ITGA9: variants seen among roughly 807,000 people sequenced by gnomAD.
ITGA9 encodes the protein integrin alpha-9.
ITGA9 carries 56 observed loss-of-function variants against 127.8 expected under a neutral mutation model. The ratio of observed to expected loss-of-function variants is 0.44; its 90% CI spans 0.35 to 0.55. ITGA9 has a LOEUF of 0.55. Among genes scored for constraint, ITGA9 ranks in the 20% least tolerant of loss-of-function variants. The pLI, the probability that ITGA9 is intolerant of heterozygous loss-of-function variation, is 0.00. For missense variants in ITGA9, 1,196 were observed against 1,347.1 expected (o/e 0.89, Z 1.76); for synonymous variants, 508 against 514.5 (o/e 0.99, Z 0.17).
chr3:37,586,021 T>C (rs1267772191), intron 15 of ITGA9, among the ~76,000 whole-genome samples: 1 of 152,138 alleles, frequency 6.6e-6, no homozygotes, highest in Admixed American at 6.5e-5. Flanking sequence ...CGTGCCATGA[T>C]GAGAGTGATG....
chr3:37,566,553 G>A (rs1010766517), intron 15 of ITGA9, among the ~76,000 whole-genome samples: 12 of 152,198 alleles, frequency 7.9e-5, no homozygotes, highest in Non-Finnish European at 1.8e-4. Flanking sequence ...CTCAAGATTA[G>A]GAATCTATTT....
intron 12 of ITGA9, 126 bp downstream of exon 12, chr3:37,523,737 G>C (rs1310578582): frequency 5.2e-6 from 4 of 763,726 alleles, no homozygotes; most frequent in African/African-American, 5.2e-5. Context: ...CAATAGAATA[G>C]GGTGTTTTGC....
At chr3:37,461,840 G>A (rs927023844) in intron 1 of ITGA9, among the ~76,000 whole-genome samples, 1 of 152,172 alleles carries the variant, frequency 6.6e-6, no homozygotes. Flanking sequence ...TCTTCTCTGT[G>A]CTCTTGGAAA....
At chr3:37,612,469 G>C (rs1406409495) in intron 15 of ITGA9, among the ~76,000 whole-genome samples, 1 of 152,158 alleles carries the variant, frequency 6.6e-6, no homozygotes, top group African/African-American at 2.4e-5. Flanking sequence ...AATATAGTGT[G>C]TAATATCTCA....
At chr3:37,561,278 T>C (rs1160718875) in intron 15 of ITGA9, among the ~76,000 whole-genome samples, 2 of 152,212 alleles carry the variant, frequency 1.3e-5, no homozygotes, top group African/African-American at 2.4e-5. Context: ...TACTAGGGCT[T>C]TGAAGTCTGG....
intron 15 of ITGA9, among the ~76,000 whole-genome samples, chr3:37,564,292 A>G (rs1366650589): frequency 2.6e-5 from 4 of 152,196 alleles, no homozygotes; most frequent in African/African-American, 7.2e-5. Context: ...TTAATAATGG[A>G]AGAACTTAGT....
intron 25 of ITGA9, among the ~76,000 whole-genome samples, chr3:37,782,432 C>G (rs1250798560): frequency 1.3e-5 from 2 of 151,766 alleles, no homozygotes. Context: ...ACTACTGTCC[C>G]CATGGGCCAG....
chr3:37,727,737 T>C (rs1255783951), intron 18 of ITGA9, among the ~76,000 whole-genome samples: 1 of 152,212 alleles, frequency 6.6e-6, no homozygotes, highest in Non-Finnish European at 1.5e-5. Context: ...TTCGGTACAA[T>C]CACAAAAGGA....
At position 37,814,833 on chromosome 3, in the gene ITGA9, GC is replaced by G. The variant is rs1192633579; in HGVS notation, c.3010-4057del. 6.6e-6 allele frequency among the ~76,000 whole-genome samples: 1 copy of G among 152,170 alleles called. No homozygotes were observed. Among genetic ancestry groups the G allele is most frequent in the Non-Finnish European group, 1.5e-5 (1 of 68,036 alleles). ...GCCCCTTAAATGCAGTGTAGCACCT[GC>G]ACTACTGTACCTACAACTCCCTAGC... is the stretch of plus-strand genomic sequence containing the variant. On this transcript the variant is annotated intron_variant, in intron 27 of 27. Coordinates refer to ENST00000264741, the MANE Select transcript of ITGA9 (RefSeq NM_002207.3). The surrounding 1 kb of genome is among the most constrained non-coding windows in gnomAD (Gnocchi z 4.3).
At chr3:37,477,695 T>C (rs954178720) in intron 3 of ITGA9, among the ~76,000 whole-genome samples, 26 of 152,160 alleles carry the variant, frequency 1.7e-4, no homozygotes, top group Non-Finnish European at 1.8e-4. Context: ...CTGAACAAAC[T>C]CTGTATAGGC....
intron 18 of ITGA9, among the ~76,000 whole-genome samples, chr3:37,721,876 C>T (rs147053275): frequency 0.01 from 1,583 of 152,264 alleles, 18 homozygotes; most frequent in Non-Finnish European, 0.017. Context: ...CTCATTGTTG[C>T]GCGTTCCCCA....
rs971912852 is a variant in ITGA9 at position 37,757,722 on chromosome 3, G to A, written c.2541+7153G>A. Among the ~76,000 whole-genome samples the A allele has an allele frequency of 4.6e-5, 7 of 150,952 alleles. 1 individual carries two copies. The highest frequency in any genetic ancestry group is 1.7e-4 in the African/African-American group (7 of 40,694). ...TAAAATCTGAATAAAATATGCATGA[G>A]GTTAAAAAAAAAGTCCAACTAGACT... On this transcript the variant is annotated intron_variant, in intron 23 of 27. Transcript: ENST00000264741.
Position 37,473,466 on chromosome 3 carries a change from T to G in ITGA9, c.420+6T>G. On this transcript the variant is annotated splice_donor_region_variant and intron_variant, in intron 3 of 27. Transcript: ENST00000264741. ...AGGCTGATGGCCGTGTGTTGGTAAG[T>G]CCCTCCTGGGGGTGCTGTGGGAAGG... 6.2e-7 allele frequency: 1 copy of G among 1,607,560 alleles called. No homozygotes were observed. The highest frequency in any genetic ancestry group is 8.5e-7 in the Non-Finnish European group (1 of 1,174,388).
chr3:37,464,386 G>A (rs1278899617), intron 1 of ITGA9, among the ~76,000 whole-genome samples: 2 of 151,786 alleles, frequency 1.3e-5, no homozygotes, highest in South Asian at 2.1e-4. Flanking sequence ...ACTGGGATGA[G>A]TTGAGTGTCA....
rs150933763 is a variant in ITGA9 at position 37,620,764 on chromosome 3, C to T, written c.1690-8423C>T. Among the ~76,000 whole-genome samples, 114 of 152,238 alleles carry T rather than the reference C, an allele frequency of 7.5e-4. 1 individual carries two copies. The highest frequency in any genetic ancestry group is 2.5e-3 in the African/African-American group (102 of 41,528). ...CAGCCTGAGGAACTCCCAGGGTCAC[C>T]CCTCTACAAGGATTCTTGACACTTG... is the stretch of plus-strand genomic sequence containing the variant. On this transcript the variant is annotated intron_variant, in intron 15 of 27. Transcript: ENST00000264741.
At chr3:37,500,580 C>T (rs941263632) in intron 5 of ITGA9, among the ~76,000 whole-genome samples, 4 of 152,214 alleles carry the variant, frequency 2.6e-5, no homozygotes, top group African/African-American at 7.2e-5. Flanking sequence ...ATCCTCCTCT[C>T]TCTATTTTTT....
intron 15 of ITGA9, among the ~76,000 whole-genome samples, chr3:37,591,772 A>G (rs1015065582): frequency 1.1e-4 from 17 of 152,282 alleles, no homozygotes; most frequent in Non-Finnish European, 2.2e-4. Flanking sequence ...CTGTCTCTAC[A>G]TTCTAACCCA....
intron 15 of ITGA9, among the ~76,000 whole-genome samples, chr3:37,592,709 A>T (rs1699832739): frequency 6.6e-6 from 1 of 151,892 alleles, no homozygotes; most frequent in South Asian, 2.1e-4. Context: ...GAGTCCAAGG[A>T]CCCCTTGGGT....
rs377329824 is a variant in ITGA9, at chr3:37,567,661, G to GA, written c.1689+25081dup. Reference sequence around the variant, plus strand: ...AGGTAAATACACTCATTCCAAATGGGAAAAATTGGTCAAAACTAAAGGCTA... The same window carrying GA: ...AGGTAAATACACTCATTCCAAATGGGAAAAAATTGGTCAAAACTAAAGGCTA... On this transcript the variant is annotated intron_variant, in intron 15 of 27. Coordinates refer to ENST00000264741, the MANE Select transcript of ITGA9 (RefSeq NM_002207.3). Among the ~76,000 whole-genome samples, 590 of 152,220 alleles carry GA rather than the reference G, an allele frequency of 3.9e-3. 3 individuals are homozygous for GA. Among genetic ancestry groups the GA allele is most frequent in the African/African-American group, 0.014 (563 of 41,528 alleles).
Sources: gnomAD v4.1 joint callset for allele counts (sites outside exome capture counted in the v4.1 genomes callset) on GRCh38, gnomAD v4.1.1 for gene constraint, Gnocchi (gnomAD v3.1) non-coding constraint, MANE v1.5 for transcripts, NCBI Gene and HGNC (gene_info 2026-07-23, HGNC 2026-07-21) for gene names.